The following PTPRD variants were observed in gnomAD, a reference collection of about 807,000 sequenced individuals.
PTPRD encodes receptor-type tyrosine-protein phosphatase delta.
Under a neutral mutation model 214.5 loss-of-function variants are expected in PTPRD, and 34 were observed. The observed-to-expected ratio is 0.16, with a 90% CI of 0.12 to 0.21. The LOEUF is 0.21. Among genes scored for constraint, PTPRD ranks in the 10% least tolerant of loss-of-function variants. The pLI, the probability that PTPRD is intolerant of heterozygous loss-of-function variation, is 1.00. For missense variants in PTPRD, 2,545 were observed against 2,398.7 expected (o/e 1.06, Z -1.27); for synonymous variants, 1,128 against 845.7 (o/e 1.33, Z -5.79).
chr9:9,965,288 G>T (rs898567167), intron 4 of PTPRD, among the ~76,000 whole-genome samples: 16 of 152,276 alleles, frequency 1.1e-4, no homozygotes, highest in Non-Finnish European at 2.1e-4. Context: ...GTAGATTTAA[G>T]AGGAGCAACA....
intron 2 of PTPRD, among the ~76,000 whole-genome samples, chr9:10,400,144 C>T (rs1314737898): frequency 6.6e-6 from 1 of 151,746 alleles, no homozygotes; most frequent in Non-Finnish European, 1.5e-5. Flanking sequence ...GTCTCCTTCA[C>T]TTATGTAGTA....
rs3817201 is a variant in PTPRD, at chr9:8,699,084, C to T, written c.64+34696G>A. On this transcript the variant is annotated intron_variant, in intron 12 of 45. Coordinates refer to ENST00000381196, the MANE Select transcript of PTPRD (RefSeq NM_002839.4). ...AATTTTTGTTATCACAAAATGCACA[C>T]TCTTTTTTCAGAATTCCTGAATAAT... Among the ~76,000 whole-genome samples, 3 of 152,304 alleles carry T rather than the reference C, an allele frequency of 2.0e-5. No individual in the cohort carries two copies. In the East Asian group the frequency reaches 5.8e-4, roughly 29 times the overall value.
chr9:10,375,467 C>A (rs551583492), intron 2 of PTPRD, among the ~76,000 whole-genome samples: 2 of 151,930 alleles, frequency 1.3e-5, no homozygotes, highest in Non-Finnish European at 1.5e-5. Context: ...CTCTTTATAG[C>A]AAGTGAGGAG....
intron 5 of PTPRD, among the ~76,000 whole-genome samples, chr9:9,929,565 T>A (rs947334279): frequency 6.6e-6 from 1 of 152,132 alleles, no homozygotes. Context: ...AGCTAACTTT[T>A]ATATTTTTAG....
chr9:8,951,263 A>AT lies in PTPRD; in HGVS notation c.-104+67433dup, dbSNP rs1055164162. On this transcript the variant is annotated intron_variant, in intron 11 of 45. Coordinates refer to ENST00000381196, the MANE Select transcript of PTPRD (RefSeq NM_002839.4). ...TCTTTCTGGTATACTACACTTCTCT[A>AT]TTTTTTTTCTTACCACATGGACCAC... 3.6e-5 allele frequency among the ~76,000 whole-genome samples: 5 copies of AT among 138,428 alleles called. No individual in the cohort carries two copies. The South Asian group carries it at 7.0e-4, about 19-fold the overall frequency. The allele number at this position is 138,428 out of a possible 152,430, so 90.8% of individuals were successfully genotyped here. A position where few individuals can be genotyped will look rare whatever the true frequency, so the allele number is the denominator to read the frequency against.
At chr9:9,590,173 A>G (rs1388401453) in intron 7 of PTPRD, among the ~76,000 whole-genome samples, 1 of 152,052 alleles carries the variant, frequency 6.6e-6, no homozygotes, top group Non-Finnish European at 1.5e-5. Context: ...AAACACATTT[A>G]CATATTAGGA....
chr9:10,536,385 C>A (rs1023264200), intron 2 of PTPRD, among the ~76,000 whole-genome samples: 4 of 152,010 alleles, frequency 2.6e-5, no homozygotes, highest in African/African-American at 9.7e-5. Context: ...TTCAAGATTT[C>A]TTCTTTTGTT....
At chr9:9,557,621 C>T (rs1383813469) in intron 8 of PTPRD, among the ~76,000 whole-genome samples, 3 of 152,214 alleles carry the variant, frequency 2.0e-5, no homozygotes, top group Admixed American at 2.0e-4. Context: ...TTTCTGAAGA[C>T]TGCTACCTAG....
intron 35 of PTPRD, among the ~76,000 whole-genome samples, chr9:8,415,397 C>A (rs761976076): frequency 2.0e-5 from 3 of 152,104 alleles, no homozygotes; most frequent in African/African-American, 4.8e-5. Flanking sequence ...CAATTATGAT[C>A]AAAGTAAACG....
chr9:10,153,580 G>A (rs1427618560), intron 3 of PTPRD, among the ~76,000 whole-genome samples: 2 of 151,746 alleles, frequency 1.3e-5, no homozygotes, highest in African/African-American at 4.8e-5. Context: ...ACATGTGCAG[G>A]TTTGTTATAT....
intron 37 of PTPRD, among the ~76,000 whole-genome samples, chr9:8,378,629 C>G (rs776816970): frequency 2.6e-5 from 4 of 151,954 alleles, no homozygotes; most frequent in Admixed American, 2.0e-4. Flanking sequence ...GGAGAGCAAC[C>G]CTTTCGGTTT....
chr9:10,124,362 GA>G (rs2098799379), intron 3 of PTPRD, among the ~76,000 whole-genome samples: 1 of 152,106 alleles, frequency 6.6e-6, no homozygotes, highest in Non-Finnish European at 1.5e-5. Context: ...TATTGCTCCT[GA>G]AAGTAAAGTA....
intron 8 of PTPRD, among the ~76,000 whole-genome samples, chr9:9,533,159 C>A (rs369911604): frequency 1.3e-5 from 2 of 152,046 alleles, no homozygotes; most frequent in African/African-American, 4.8e-5. Flanking sequence ...TGTGAGGGCT[C>A]CTTAAGGAGG....
At chr9:9,404,228 T>C (rs898345082) in intron 8 of PTPRD, among the ~76,000 whole-genome samples, 3 of 152,026 alleles carry the variant, frequency 2.0e-5, no homozygotes, top group South Asian at 2.1e-4. Context: ...AGAAGTTGAG[T>C]GACATTATGG....
At chr9:8,887,455 T>TAAG (rs1351925594) in intron 11 of PTPRD, among the ~76,000 whole-genome samples, 1 of 152,172 alleles carries the variant, frequency 6.6e-6, no homozygotes, top group African/African-American at 2.4e-5. Context: ...AAAGTTGTTT[T>TAAG]AAGCCAAATG....
At chr9:10,188,431 G>C (rs1295991948) in intron 3 of PTPRD, among the ~76,000 whole-genome samples, 2 of 151,962 alleles carry the variant, frequency 1.3e-5, no homozygotes, top group African/African-American at 4.8e-5. Context: ...CTTTATAGTT[G>C]TCTTTCCTAG....
intron 5 of PTPRD, among the ~76,000 whole-genome samples, chr9:9,820,073 C>T (rs760599404): frequency 1.6e-4 from 25 of 152,214 alleles, no homozygotes; most frequent in East Asian, 3.9e-4. Flanking sequence ...AATTGCTTTC[C>T]GCAGTGGCTG....
At chr9:9,342,304 T>C (rs574621384) in intron 9 of PTPRD, among the ~76,000 whole-genome samples, 28 of 152,298 alleles carry the variant, frequency 1.8e-4, no homozygotes, top group Admixed American at 3.3e-4. Flanking sequence ...CCCTGACTAT[T>C]TTATGCCACT....
At chr9:9,467,246 G>A (rs1249620086) in intron 8 of PTPRD, among the ~76,000 whole-genome samples, 1 of 68,180 alleles carries the variant, frequency 1.5e-5, no homozygotes, top group Non-Finnish European at 3.0e-5. Context: ...TTAACCTAAT[G>A]CTTCCCAGTT....
Sources: allele counts gnomAD v4.1 joint callset (sites outside exome capture counted in the v4.1 genomes callset), GRCh38; gene constraint gnomAD v4.1.1; transcripts MANE v1.5; gene names NCBI Gene and HGNC (gene_info 2026-07-23, HGNC 2026-07-21).